The following FAM184B variants were observed in gnomAD, a reference collection of about 807,000 sequenced individuals.
FAM184B encodes the protein family with sequence similarity 184 member B.
Under a neutral mutation model 135.9 loss-of-function variants are expected in FAM184B, and 111 were observed. The observed-to-expected ratio is 0.82, with a 90% CI of 0.70 to 0.96. The LOEUF (loss-of-function observed/expected upper bound fraction) is 0.96, where lower values mean the gene tolerates loss of function less well. FAM184B is among the 40% of genes least tolerant of loss of function. The probability of loss-of-function intolerance (pLI) is 0.00; values close to 1 mark genes in which losing one functional copy is unlikely to be tolerated. For synonymous variants in FAM184B, 552 were observed against 524.8 expected (o/e 1.05, Z -0.71); for missense variants, 1,375 against 1,323.9 (o/e 1.04, Z -0.60).
At chr4:17,671,723 A>G (rs1716172501) in intron 7 of FAM184B, among the ~76,000 whole-genome samples, 1 of 152,118 alleles carries the variant, frequency 6.6e-6, no homozygotes. Flanking sequence ...AATAACTCTG[A>G]TAGAGTTGCT....
chr4:17,734,072 C>A (rs377685461), intron 1 of FAM184B, among the ~76,000 whole-genome samples: 2 of 152,134 alleles, frequency 1.3e-5, no homozygotes, highest in Non-Finnish European at 1.5e-5. Flanking sequence ...CAAAAACAAG[C>A]AATGGGGAAA....
chr4:17,684,097 TTA>T (rs57319459), intron 7 of FAM184B, among the ~76,000 whole-genome samples: 78,249 of 141,792 alleles, frequency 0.55, 24,018 homozygotes, highest in East Asian at 0.92. Flanking sequence ...GTAATTACTA[TTA>T]TATTATAGTA....
Position 17,642,466 on chromosome 4 carries a change from G to T in FAM184B, c.2347-238C>A, listed in dbSNP as rs186439349. Among the ~76,000 whole-genome samples, 20 of 152,284 alleles carry T rather than the reference G, an allele frequency of 1.3e-4. 1 individual carries two copies. The highest frequency in any genetic ancestry group is 1.3e-3 in the Admixed American group (20 of 15,300). ...TTAATAAAACTGCTGAGCTAAGAAT[G>T]GGTCTTGCATCCAAATGAACACCAA... On this transcript the variant is annotated intron_variant, in intron 12 of 17. Transcript: ENST00000265018.
Position 17,709,540 on chromosome 4 carries a change from C to G in FAM184B, c.246G>C (p.Lys82Asn). Residue 82 changes from lysine to asparagine, a missense_variant, in exon 2 of 18, where the codon AAG (lysine) becomes AAC (asparagine). By Grantham distance (94) the Lys-to-Asn change is moderately conservative (BLOSUM62 0). Transcript: ENST00000265018. The part of the protein sequence containing the change: ...EELQNAVAET[K>N]ARLLQEQGCA... ...AGCCCTGTTCCTGCAGGAGCCTGGCCTTGGTCTCTGCCACCGCATTCTGGA... is the reference window on the plus strand; with the variant it reads ...AGCCCTGTTCCTGCAGGAGCCTGGCGTTGGTCTCTGCCACCGCATTCTGGA... The G allele has an allele frequency of 6.4e-7, 1 of 1,551,004 alleles. No homozygotes were observed. Among genetic ancestry groups the G allele is most frequent in the Non-Finnish European group, 8.7e-7 (1 of 1,146,978 alleles).
At chr4:17,705,264 C>T in intron 4 of FAM184B, 58 bp from the exon 5 acceptor site, 1 of 1,289,154 alleles carries the variant, frequency 7.8e-7, no homozygotes. Flanking sequence ...AGCAAGGAAT[C>T]ACCATTTCCC....
At chr4:17,737,922 A>C (rs533280221) in intron 1 of FAM184B, among the ~76,000 whole-genome samples, 22 of 152,334 alleles carry the variant, frequency 1.4e-4, no homozygotes, top group African/African-American at 5.1e-4. Context: ...GGGAGCTTAC[A>C]ATTTAGCAAC....
intron 7 of FAM184B, among the ~76,000 whole-genome samples, chr4:17,666,902 G>A (rs1436075149): frequency 1.3e-5 from 2 of 151,558 alleles, no homozygotes; most frequent in Non-Finnish European, 2.9e-5. Flanking sequence ...AGATAGCAGG[G>A]GGACCACTCT....
intron 12 of FAM184B, among the ~76,000 whole-genome samples, chr4:17,647,126 C>CT (rs5856438): frequency 0.56 from 82,454 of 148,552 alleles, 24,013 homozygotes; most frequent in East Asian, 0.87. Context: ...CACTTAAAAC[C>CT]TTTTTTTTTT....
rs185381746 is a variant in FAM184B, at chr4:17,704,606, A to C, written c.1377+394T>G. Among the ~76,000 whole-genome samples the C allele has an allele frequency of 2.6e-5, 4 of 152,334 alleles. No individual in the cohort carries two copies. In the East Asian group the frequency reaches 7.7e-4, roughly 29 times the overall value. ...AGGTTAAATCACTTGAAGTGTGGTG[A>C]TAGAGTGGGGAATTGGATCCAGGAA... On this transcript the variant is annotated intron_variant, in intron 5 of 17. Coordinates refer to ENST00000265018, the MANE Select transcript of FAM184B (RefSeq NM_015688.2).
intron 1 of FAM184B, among the ~76,000 whole-genome samples, chr4:17,724,586 A>C (rs1717600888): frequency 6.6e-6 from 1 of 152,126 alleles, no homozygotes; most frequent in Admixed American, 6.5e-5. Flanking sequence ...GGTTCCATGG[A>C]GGAAAAGAGT....
chr4:17,742,571 T>C (rs1718068998), intron 1 of FAM184B, among the ~76,000 whole-genome samples: 1 of 152,118 alleles, frequency 6.6e-6, no homozygotes, highest in Admixed American at 6.5e-5. Flanking sequence ...CTATAAAAGA[T>C]TTCAGCTGAT....
intron 1 of FAM184B, among the ~76,000 whole-genome samples, chr4:17,739,252 C>A (rs1717971291): frequency 6.6e-6 from 1 of 152,170 alleles, no homozygotes; most frequent in South Asian, 2.1e-4. Context: ...CTGACCTCCC[C>A]TCCTCAGCCA....
At chr4:17,664,444 A>G in intron 8 of FAM184B, 118 bp downstream of exon 8, 1 of 759,918 alleles carries the variant, frequency 1.3e-6, no homozygotes. Context: ...TGCCTCCCCA[A>G]GCATGCTGCA....
At chr4:17,664,452 G>T in intron 8 of FAM184B, 110 bp downstream of exon 8, 1 of 827,248 alleles carries the variant, frequency 1.2e-6, no homozygotes, top group Non-Finnish European at 1.9e-6. Context: ...CAAGCATGCT[G>T]CAAGGAGCAG....
At chr4:17,768,348 C>T (rs552938249) in intron 1 of FAM184B, among the ~76,000 whole-genome samples, 26 of 152,274 alleles carry the variant, frequency 1.7e-4, no homozygotes, top group African/African-American at 5.5e-4. Context: ...GATTTCAGCT[C>T]ACTGCAACCT....
rs541710113 is a variant in FAM184B, at chr4:17,759,340, A to G, written c.141+21819T>C. Among the ~76,000 whole-genome samples the G allele has an allele frequency of 2.0e-5, 3 of 152,242 alleles. No individual in the cohort carries two copies. In the East Asian group the frequency reaches 5.8e-4, roughly 29 times the overall value. On this transcript the variant is annotated intron_variant, in intron 1 of 17. Coordinates refer to ENST00000265018, the MANE Select transcript of FAM184B (RefSeq NM_015688.2). Reference sequence around the variant, plus strand: ...TTTGTTCTCTTTTCCTGCTCTGGCTATGAAAGACACACTGACTTCCCCTTT... The same window carrying G: ...TTTGTTCTCTTTTCCTGCTCTGGCTGTGAAAGACACACTGACTTCCCCTTT...
Position 17,707,733 on chromosome 4 carries a change from C to A in FAM184B, c.946G>T (p.Gly316Cys), listed in dbSNP as rs772804448. 5 of 1,551,796 alleles carry A rather than the reference C, an allele frequency of 3.2e-6. No homozygotes were observed. The highest frequency in any genetic ancestry group is 4.4e-6 in the Non-Finnish European group (5 of 1,147,034). The change falls in exon 3 of 18, where the codon GGC becomes TGC. Residue 316 changes from glycine to cysteine, a missense_variant. By Grantham distance (159) the Gly-to-Cys change is radical. Coordinates refer to ENST00000265018, the MANE Select transcript of FAM184B (RefSeq NM_015688.2). ...EARQENSELK[G>C]TAKKLGEKLA... Reference sequence around the variant, plus strand: ...TTCTCCCCAAGTTTTTTTGCAGTGCCTTTCAACTCTGAATTCTCCTGTCGA... The same window carrying A: ...TTCTCCCCAAGTTTTTTTGCAGTGCATTTCAACTCTGAATTCTCCTGTCGA...
chr4:17,683,413 C>T (rs188896846), intron 7 of FAM184B, among the ~76,000 whole-genome samples: 17 of 152,254 alleles, frequency 1.1e-4, no homozygotes, highest in Admixed American at 9.8e-4. Flanking sequence ...ATTTAGACCT[C>T]ACAAAGACCC....
At chr4:17,703,147 G>T (rs1717027568) in intron 5 of FAM184B, among the ~76,000 whole-genome samples, 1 of 152,162 alleles carries the variant, frequency 6.6e-6, no homozygotes, top group African/African-American at 2.4e-5. Context: ...ACTTTATAAA[G>T]TATAGTGGTC....
Sources: gnomAD v4.1 joint callset for allele counts (sites outside exome capture counted in the v4.1 genomes callset) on GRCh38, gnomAD v4.1.1 for gene constraint, MANE v1.5 for transcripts, NCBI Gene and HGNC (gene_info 2026-07-23, HGNC 2026-07-21) for gene names.